FMN2: variants seen among roughly 807,000 people sequenced by gnomAD.
FMN2 encodes formin 2.
In FMN2, 51 loss-of-function variants were observed where a neutral mutation model predicts 142.3. The ratio of observed to expected loss-of-function variants is 0.36; its 90% confidence interval spans 0.29 to 0.45. FMN2 has a LOEUF of 0.45. Among genes scored for constraint, FMN2 ranks in the 20% least tolerant of loss-of-function variants. The pLI is 1.00. For synonymous variants in FMN2, 882 were observed against 869.8 expected (o/e 1.01, Z -0.25); for missense variants, 1,936 against 2,122.8 (o/e 0.91, Z 1.73).
intron 1 of FMN2, among the ~76,000 whole-genome samples, chr1:240,109,053 C>T (rs908326494): frequency 2.0e-5 from 3 of 151,978 alleles, no homozygotes; most frequent in South Asian, 4.2e-4. Context: ...CCCCAAAAAA[C>T]CCAAAAAACC....
At chr1:240,188,174 A>G in intron 3 of FMN2, 33 bp from the exon 4 acceptor site, 1 of 1,607,312 alleles carries the variant, frequency 6.2e-7, no homozygotes. Context: ...TTGTCCTTTA[A>G]GATACTGACT....
intron 8 of FMN2, among the ~76,000 whole-genome samples, chr1:240,327,484 G>A (rs540527749): frequency 2.6e-5 from 4 of 152,164 alleles, no homozygotes; most frequent in African/African-American, 7.2e-5. Context: ...TGAGCTGCTC[G>A]TCTATTTAAA....
At chr1:240,222,255 C>G (rs927550511) in intron 6 of FMN2, among the ~76,000 whole-genome samples, 2 of 152,068 alleles carry the variant, frequency 1.3e-5, no homozygotes, top group African/African-American at 4.8e-5. Flanking sequence ...GACTCCTTTC[C>G]CCATTGCTTG....
intron 15 of FMN2, among the ~76,000 whole-genome samples, chr1:240,403,953 TAGA>T (rs1323303698): frequency 2.6e-5 from 4 of 152,328 alleles, no homozygotes; most frequent in Middle Eastern, 6.8e-3. Context: ...CGCATATTTG[TAGA>T]AGAACTTTAA....
At chr1:240,339,110 C>T (rs1364221877) in intron 13 of FMN2, among the ~76,000 whole-genome samples, 2 of 152,096 alleles carry the variant, frequency 1.3e-5, no homozygotes, top group African/African-American at 4.8e-5. Flanking sequence ...TGAAGCTTTG[C>T]TTGCTTGCTG....
chr1:240,397,785 CAAAAAAAA>C (rs35826717), intron 15 of FMN2, among the ~76,000 whole-genome samples: 12 of 46,808 alleles, frequency 2.6e-4, no homozygotes, highest in African/African-American at 5.6e-4. Flanking sequence ...GACTCCTTCT[CAAAAAAAA>C]AAAAAAAAAA....
chr1:240,106,962 G>T (rs982160506), intron 1 of FMN2, among the ~76,000 whole-genome samples: 1 of 151,814 alleles, frequency 6.6e-6, no homozygotes, highest in Non-Finnish European at 1.5e-5. Flanking sequence ...GGTTTTACAG[G>T]CATGAGCCAC....
chr1:240,396,827 A>G (rs1415067342), intron 15 of FMN2, among the ~76,000 whole-genome samples: 1 of 152,194 alleles, frequency 6.6e-6, no homozygotes, highest in East Asian at 1.9e-4. Context: ...ATGTATGTGT[A>G]CCACATTTTC....
chr1:240,319,015 AAAAGTTGAG>A (rs1670880578), intron 8 of FMN2, among the ~76,000 whole-genome samples: 1 of 152,188 alleles, frequency 6.6e-6, no homozygotes, highest in Admixed American at 6.5e-5. Flanking sequence ...ATGCAGGTGA[AAAAGTTGAG>A]AAAGTAATGG....
chr1:240,173,922 G>A (rs1471105815), intron 2 of FMN2, among the ~76,000 whole-genome samples: 2 of 152,138 alleles, frequency 1.3e-5, no homozygotes, highest in Non-Finnish European at 2.9e-5. Flanking sequence ...CCCCTTGGTT[G>A]TTGGTGCTAC....
intron 2 of FMN2, among the ~76,000 whole-genome samples, chr1:240,159,905 G>GTATATATATATATA (rs34012500): frequency 5.0e-5 from 6 of 120,088 alleles, no homozygotes; most frequent in African/African-American, 1.8e-4. Context: ...ATATATCTGT[G>GTATATATATATATA]TATATATATA....
intron 2 of FMN2, chr1:240,171,073 G>T: frequency 1.4e-6 from 2 of 1,413,542 alleles, no homozygotes. Context: ...TCAAGAAATT[G>T]CCACTCATCC....
At chr1:240,429,607 T>C (rs551313682) in intron 15 of FMN2, among the ~76,000 whole-genome samples, 1 of 152,342 alleles carries the variant, frequency 6.6e-6, no homozygotes, top group East Asian at 1.9e-4. Context: ...GTGATCATTG[T>C]TCTGATTAGT....
At chr1:240,340,302 C>T (rs553296888) in intron 13 of FMN2, among the ~76,000 whole-genome samples, 14 of 152,106 alleles carry the variant, frequency 9.2e-5, no homozygotes, top group East Asian at 3.9e-4. Flanking sequence ...TAGTCCGGGC[C>T]GGGTGCAGTG....
At chr1:240,112,237 G>T (rs1000124686) in intron 1 of FMN2, among the ~76,000 whole-genome samples, 1 of 150,942 alleles carries the variant, frequency 6.6e-6, no homozygotes, top group Non-Finnish European at 1.5e-5. Context: ...GTTCAAGTGC[G>T]CCTCCTGCCT....
chr1:240,186,199 TCTCTTGTAAAATCCTTA>T, intron 3 of FMN2, among the ~76,000 whole-genome samples: 1 of 152,296 alleles, frequency 6.6e-6, no homozygotes, highest in South Asian at 2.1e-4. Flanking sequence ...ATCTATATTG[TCTCTTGTAAAATCCTTA>T]CTCTCTCTTT....
chr1:240,285,618 C>G (rs1669559776), intron 7 of FMN2, among the ~76,000 whole-genome samples: 1 of 151,904 alleles, frequency 6.6e-6, no homozygotes, highest in Non-Finnish European at 1.5e-5. Context: ...GAATGGGGAA[C>G]ATTAGAAGTA....
intron 14 of FMN2, among the ~76,000 whole-genome samples, chr1:240,379,181 T>G (rs1339431596): frequency 6.6e-6 from 1 of 152,144 alleles, no homozygotes; most frequent in Admixed American, 6.5e-5. Context: ...TTCATGCCAG[T>G]GATAATTTGG....
rs879685338 is a variant in FMN2, at chr1:240,286,996, T to TCCCAA, written c.4154-7826_4154-7825insCCCAA. Among the ~76,000 whole-genome samples the TCCCAA allele has an allele frequency of 4.7e-3, 715 of 152,286 alleles. 8 individuals carry two copies. The highest frequency in any genetic ancestry group is 0.025 in the South Asian group (121 of 4,828). On this transcript the variant is annotated intron_variant, in intron 7 of 17. Coordinates refer to ENST00000319653, the MANE Select transcript of FMN2 (RefSeq NM_020066.5). ...CAGCTCTTCTAGATGGGGGAGTGTG[T>TCCCAA]ATAACTCCAGATTCCCAAAATGTTT...
Sources: allele counts gnomAD v4.1 joint callset (sites outside exome capture counted in the v4.1 genomes callset), GRCh38; gene constraint gnomAD v4.1.1; transcripts MANE v1.5; gene names NCBI Gene and HGNC (gene_info 2026-07-23, HGNC 2026-07-21).